ZNF704: variants seen among roughly 807,000 people sequenced by gnomAD.
ZNF704 encodes glucocorticoid induced gene 1.
A neutral mutation model predicts 44.7 loss-of-function variants in ZNF704; 10 were observed. The ratio of observed to expected loss-of-function variants is 0.22; its 90% CI spans 0.14 to 0.38. ZNF704 has a LOEUF of 0.38. ZNF704 is among the 10% of genes least tolerant of loss of function. The pLI is 1.00. For missense variants in ZNF704, 390 were observed against 545.5 expected (o/e 0.71, Z 2.84); for synonymous variants, 211 against 207.6 (o/e 1.02, Z -0.14).
intron 1 of ZNF704, among the ~76,000 whole-genome samples, chr8:80,863,938 C>T (rs1020924526): frequency 6.6e-6 from 1 of 152,016 alleles, no homozygotes; most frequent in Non-Finnish European, 1.5e-5. Context: ...ATTTCTTCTC[C>T]CTTGGCACTT....
At chr8:80,658,300 A>T (rs923757839) in intron 7 of ZNF704, among the ~76,000 whole-genome samples, 6 of 152,104 alleles carry the variant, frequency 3.9e-5, no homozygotes, top group African/African-American at 1.4e-4. Context: ...ATAATTCTGT[A>T]ACTGTGGCTG....
intron 2 of ZNF704, among the ~76,000 whole-genome samples, chr8:80,757,550 G>A (rs1807056807): frequency 6.6e-6 from 1 of 151,960 alleles, no homozygotes; most frequent in South Asian, 2.1e-4. Context: ...TAAATTTGGT[G>A]TAGCCTAAGT....
At chr8:80,672,351 C>G (rs1361966451) in intron 4 of ZNF704, among the ~76,000 whole-genome samples, 1 of 152,296 alleles carries the variant, frequency 6.6e-6, no homozygotes, top group Admixed American at 6.5e-5. Context: ...CTGTGGAAGG[C>G]AGTTTGGAGA....
chr8:80,792,771 TC>T (rs1807733486), intron 2 of ZNF704, among the ~76,000 whole-genome samples: 1 of 152,134 alleles, frequency 6.6e-6, no homozygotes, highest in East Asian at 1.9e-4. Flanking sequence ...AGGACCTCAG[TC>T]CAACTACTCT....
At chr8:80,869,563 T>C (rs1362627848) in intron 1 of ZNF704, among the ~76,000 whole-genome samples, 2 of 152,248 alleles carry the variant, frequency 1.3e-5, no homozygotes, top group Non-Finnish European at 1.5e-5. Context: ...AGCCCTTTAC[T>C]TGGGTTTCAG....
At position 80,691,558 on chromosome 8, in the gene ZNF704, T is replaced by C. The variant is rs187352396; in HGVS notation, c.325+1446A>G. ...CGGCTCTTTTCCCACTGCCAATCCC[T>C]TGCATGATGGTGAGCTTCACTGCTT... is the stretch of plus-strand genomic sequence containing the variant. On this transcript the variant is annotated intron_variant, in intron 3 of 8. Coordinates refer to ENST00000327835, the MANE Select transcript of ZNF704 (RefSeq NM_001033723.3). Among the ~76,000 whole-genome samples, 18 of 152,332 alleles carry C rather than the reference T, an allele frequency of 1.2e-4. No individual in the cohort carries two copies. The East Asian group carries it at 3.1e-3, about 26-fold the overall frequency.
chr8:80,650,174 A>T (rs555457171), intron 7 of ZNF704, among the ~76,000 whole-genome samples: 1 of 152,190 alleles, frequency 6.6e-6, no homozygotes, highest in Admixed American at 6.5e-5. Context: ...TATCACCATC[A>T]TCAAAGACCA....
intron 2 of ZNF704, among the ~76,000 whole-genome samples, chr8:80,787,394 T>C (rs1352275168): frequency 6.6e-6 from 1 of 152,156 alleles, no homozygotes; most frequent in Admixed American, 6.6e-5. Context: ...CCAGGAGTTC[T>C]TACTCAGAAA....
the ZNF704 span, among the ~76,000 whole-genome samples, chr8:80,883,201 A>ACGC: frequency 1.4e-4 from 21 of 147,790 alleles, no homozygotes; most frequent in South Asian, 4.6e-3. Context: ...AGCTGAGATC[A>ACGC]CGCCACTGCA....
At chr8:80,812,367 A>C (rs1808101806) in intron 2 of ZNF704, 2 of 181,660 alleles carry the variant, frequency 1.1e-5, no homozygotes, top group African/African-American at 4.7e-5. Flanking sequence ...TTTTTTCGCA[A>C]CATCATCAAT....
At chr8:80,752,598 A>G (rs1806963075) in intron 2 of ZNF704, among the ~76,000 whole-genome samples, 1 of 151,706 alleles carries the variant, frequency 6.6e-6, no homozygotes, top group Non-Finnish European at 1.5e-5. Flanking sequence ...CTGGAGTGCA[A>G]TGGTGTGATT....
intron 2 of ZNF704, among the ~76,000 whole-genome samples, chr8:80,742,200 G>C (rs1383264373): frequency 3.3e-5 from 5 of 152,144 alleles, no homozygotes; most frequent in African/African-American, 1.2e-4. Context: ...AGCCAAAAGA[G>C]CTGCAAGGCG....
At chr8:80,784,148 CCA>C (rs1364489603) in intron 2 of ZNF704, among the ~76,000 whole-genome samples, 1 of 152,112 alleles carries the variant, frequency 6.6e-6, no homozygotes, top group East Asian at 1.9e-4. Flanking sequence ...TCTGGATGTG[CCA>C]CAGTTTATCC....
intron 7 of ZNF704, among the ~76,000 whole-genome samples, chr8:80,649,651 AAC>A (rs1264819120): frequency 6.6e-6 from 1 of 152,224 alleles, no homozygotes; most frequent in African/African-American, 2.4e-5. Context: ...TGAGTAGGTA[AAC>A]AAAGCAGCCA....
Position 80,643,059 on chromosome 8 carries a change from G to A in ZNF704, c.1103C>T (p.Pro368Leu). Residue 368 changes from proline (P) to leucine (L), a missense_variant, in exon 8 of 9, where the codon CCA becomes CTA. Transcript: ENST00000327835. ...RQHAHTVLSS[P>L]PRGTVSLRKP... is the part of the protein sequence containing the mutation. ...CCTTAAGCTGACTGTGCCTCTGGGT[G>A]GGGAGGACAGGACCGTGTGCGCATG... 6.3e-7 allele frequency: 1 copy of A among 1,596,352 alleles called. No homozygotes were observed. The highest frequency in any genetic ancestry group is 8.5e-7 in the Non-Finnish European group (1 of 1,170,836).
intron 2 of ZNF704, among the ~76,000 whole-genome samples, chr8:80,768,403 C>G (rs920989215): frequency 5.3e-5 from 8 of 152,278 alleles, no homozygotes; most frequent in African/African-American, 1.9e-4. Flanking sequence ...GAGTTGGACA[C>G]TGGCAAGTTA....
Position 80,841,037 on chromosome 8 carries a change from G to A in ZNF704, c.-21-19422C>T, listed in dbSNP as rs1434219733. 2.0e-5 allele frequency among the ~76,000 whole-genome samples: 3 copies of A among 152,172 alleles called. 1 individual carries two copies. The highest frequency in any genetic ancestry group is 1.5e-5 in the Non-Finnish European group (1 of 68,040). On this transcript the variant is annotated intron_variant, in intron 1 of 8. Coordinates refer to ENST00000327835, the MANE Select transcript of ZNF704 (RefSeq NM_001033723.3). ...ACAAGACAACTGCACATAGCCAGGA[G>A]AGAAGTCCAACCACATCACAAGTCT...
intron 2 of ZNF704, among the ~76,000 whole-genome samples, chr8:80,758,839 A>T (rs754303218): frequency 8.5e-5 from 13 of 152,230 alleles, no homozygotes; most frequent in Non-Finnish European, 1.6e-4. Flanking sequence ...TACACAGAAA[A>T]TAATGCTGTA....
chr8:80,747,253 C>G (rs563248838), intron 2 of ZNF704, among the ~76,000 whole-genome samples: 1 of 152,136 alleles, frequency 6.6e-6, no homozygotes, highest in East Asian at 1.9e-4. Context: ...ATAAAACAAG[C>G]CTTCCAAATA....
Sources: gnomAD v4.1 joint callset for allele counts (sites outside exome capture counted in the v4.1 genomes callset) on GRCh38, gnomAD v4.1.1 for gene constraint, MANE v1.5 for transcripts, NCBI Gene and HGNC (gene_info 2026-07-23, HGNC 2026-07-21) for gene names.